Variants in DYNC2H1 observed in about 807,000 individuals in gnomAD.
DYNC2H1 encodes the protein dynein cytoplasmic 2 heavy chain 1.
Under a neutral mutation model 570.0 loss-of-function variants are expected in DYNC2H1, and 410 were observed. That is an observed-to-expected ratio of 0.72 (90% CI 0.66 to 0.78). DYNC2H1 has a LOEUF of 0.78. Among genes scored for constraint, DYNC2H1 ranks in the 30% least tolerant of loss-of-function variants. The probability of loss-of-function intolerance (pLI) is 0.00; values close to 1 mark genes in which losing one functional copy is unlikely to be tolerated. For missense variants in DYNC2H1, 4,865 were observed against 5,046.4 expected, an observed-to-expected ratio of 0.96 and a Z score of 1.09; for synonymous variants, 1,688 against 1,677.6, an observed-to-expected ratio of 1.01 and a Z score of -0.15.
At chr11:103,339,268 T>G (rs77754942) in intron 82 of DYNC2H1, among the ~76,000 whole-genome samples, 6,371 of 152,196 alleles carry the variant, frequency 0.042, 273 homozygotes, top group African/African-American at 0.11. Context: ...TAGAACACCA[T>G]GAAAGCCTGA....
At chr11:103,449,666 T>A (rs1442321044) in intron 85 of DYNC2H1, among the ~76,000 whole-genome samples, 2 of 90,474 alleles carry the variant, frequency 2.2e-5, no homozygotes, top group Non-Finnish European at 1.9e-5. Flanking sequence ...AAATTATTCA[T>A]TTTCATTATT....
At position 103,120,363 on chromosome 11, in the gene DYNC2H1, T is replaced by TA. The variant is rs1372090159; in HGVS notation, c.1000-84_1000-83insA. 13 of 1,256,212 alleles carry TA rather than the reference T, an allele frequency of 1.0e-5. No individual in the cohort carries two copies. In the African/African-American group the frequency reaches 1.8e-4, roughly 18 times the overall value. 77.8% of individuals were successfully genotyped at this position (1,256,212 alleles called of 1,614,324 possible). A position where few individuals can be genotyped will look rare whatever the true frequency, so the allele number is the denominator to read the frequency against. On this transcript the variant is annotated intron_variant, in intron 6 of 88. Transcript: ENST00000375735. ...TAGTAAACCTAATTTAAAGAAATTC[T>TA]TGCCCAATATATCTAGATTTTAGAC...
intron 17 of DYNC2H1, among the ~76,000 whole-genome samples, chr11:103,139,083 A>G (rs1343756365): frequency 2.0e-5 from 3 of 150,598 alleles, no homozygotes; most frequent in East Asian, 2.0e-4. Context: ...TTTTTATTGC[A>G]TCTATTTGAT....
intron 82 of DYNC2H1, among the ~76,000 whole-genome samples, chr11:103,351,430 A>T (rs539181379): frequency 9.6e-4 from 146 of 152,296 alleles, no homozygotes; most frequent in African/African-American, 3.2e-3. Context: ...ATGGGAGGAG[A>T]AGAACATTAC....
intron 32 of DYNC2H1, 136 bp from the exon 33 acceptor site, chr11:103,169,972 T>C (rs1861502645): frequency 2.6e-6 from 2 of 776,842 alleles, no homozygotes; most frequent in Non-Finnish European, 3.7e-6. Context: ...GAAAAAATTT[T>C]GGATATTTTT....
intron 54 of DYNC2H1, among the ~76,000 whole-genome samples, chr11:103,213,687 T>C (rs542602770): frequency 6.6e-6 from 1 of 152,304 alleles, no homozygotes; most frequent in African/African-American, 2.4e-5. Context: ...TTTGTTGTTG[T>C]TGTTCAGTTG....
At chr11:103,147,432 A>C (rs1357159738) in intron 18 of DYNC2H1, among the ~76,000 whole-genome samples, 1 of 152,092 alleles carries the variant, frequency 6.6e-6, no homozygotes, top group Non-Finnish European at 1.5e-5. Flanking sequence ...TAAATATTTA[A>C]ATAGGTGTGT....
intron 88 of DYNC2H1, among the ~76,000 whole-genome samples, chr11:103,476,514 G>T (rs1591813009): frequency 6.6e-6 from 1 of 152,126 alleles, no homozygotes. Context: ...GCTGTTAAAT[G>T]AATAGCTGAA....
At chr11:103,431,174 T>C (rs1202784392) in intron 84 of DYNC2H1, among the ~76,000 whole-genome samples, 1 of 150,842 alleles carries the variant, frequency 6.6e-6, no homozygotes, top group Non-Finnish European at 1.5e-5. Flanking sequence ...AGAGGTTACA[T>C]TTAGGGTTAG....
At chr11:103,343,285 G>A (rs960502052) in intron 82 of DYNC2H1, among the ~76,000 whole-genome samples, 14 of 152,118 alleles carry the variant, frequency 9.2e-5, no homozygotes, top group African/African-American at 3.4e-4. Flanking sequence ...TGTATATCCT[G>A]ACCCTTGCCT....
chr11:103,411,903 C>CA (rs1943104163), intron 84 of DYNC2H1, among the ~76,000 whole-genome samples: 1 of 152,058 alleles, frequency 6.6e-6, no homozygotes, highest in Admixed American at 6.6e-5. Context: ...GTATTATTTG[C>CA]ATGAAAATGA....
chr11:103,460,298 G>A (rs75300122), intron 87 of DYNC2H1, among the ~76,000 whole-genome samples: 3,512 of 145,402 alleles, frequency 0.024, 81 homozygotes, highest in African/African-American at 0.061. Flanking sequence ...TGTGAACCAT[G>A]CATGTAATTA....
chr11:103,231,874 C>G (rs1259349508), intron 60 of DYNC2H1, among the ~76,000 whole-genome samples: 4 of 151,774 alleles, frequency 2.6e-5, no homozygotes, highest in Admixed American at 2.6e-4. Context: ...GTGTGTGTTT[C>G]TCTCTCCCCC....
At chr11:103,328,097 C>T (rs1255303290) in intron 82 of DYNC2H1, among the ~76,000 whole-genome samples, 3 of 152,148 alleles carry the variant, frequency 2.0e-5, no homozygotes, top group Admixed American at 6.5e-5. Context: ...CCAAATTTAT[C>T]GTAATATGAT....
chr11:103,436,316 C>T (rs998461862), intron 85 of DYNC2H1, among the ~76,000 whole-genome samples: 1 of 151,662 alleles, frequency 6.6e-6, no homozygotes, highest in African/African-American at 2.4e-5. Context: ...CGGTAACTGA[C>T]ACTGAATCAT....
At chr11:103,126,908 G>A (rs1296531593) in intron 12 of DYNC2H1, among the ~76,000 whole-genome samples, 1 of 152,154 alleles carries the variant, frequency 6.6e-6, no homozygotes, top group Non-Finnish European at 1.5e-5. Flanking sequence ...AAAGTGCTGG[G>A]ATTACAGGCG....
intron 84 of DYNC2H1, chr11:103,405,662 T>C (rs1942834500): frequency 6.6e-6 from 1 of 152,006 alleles, no homozygotes; most frequent in Non-Finnish European, 1.5e-5. Flanking sequence ...GCGTGGGTTG[T>C]AACAATAACA....
intron 82 of DYNC2H1, among the ~76,000 whole-genome samples, chr11:103,351,242 A>G (rs969146295): frequency 3.9e-5 from 6 of 152,106 alleles, no homozygotes; most frequent in African/African-American, 1.2e-4. Context: ...TTGATTCTTG[A>G]TGTGGCCTTT....
At chr11:103,212,614 C>G (rs983389976) in intron 54 of DYNC2H1, among the ~76,000 whole-genome samples, 11 of 152,032 alleles carry the variant, frequency 7.2e-5, no homozygotes, top group African/African-American at 2.2e-4. Context: ...TTCCGTATTT[C>G]TTTAACTATA....
Sources: gnomAD v4.1 joint callset for allele counts (sites outside exome capture counted in the v4.1 genomes callset) on GRCh38, gnomAD v4.1.1 for gene constraint, MANE v1.5 for transcripts, NCBI Gene and HGNC (gene_info 2026-07-23, HGNC 2026-07-21) for gene names.